The following PPP2R5E variants were observed in gnomAD, a reference collection of about 807,000 sequenced individuals.
PPP2R5E encodes serine/threonine-protein phosphatase 2A 56 kDa regulatory subunit epsilon isoform.
In PPP2R5E, 4 loss-of-function variants were observed where a neutral mutation model predicts 65.3. That is an observed-to-expected ratio of 0.06 (90% CI 0.03 to 0.14). PPP2R5E has a LOEUF of 0.14. Ranked by LOEUF, PPP2R5E falls within the 10% of genes least tolerant of loss-of-function variation. The pLI, the probability that PPP2R5E is intolerant of heterozygous loss-of-function variation, is 1.00. For synonymous variants in PPP2R5E, 183 were observed against 187.4 expected (o/e 0.98, Z 0.19); for missense variants, 274 against 556.1 (o/e 0.49, Z 5.10).
At chr14:63,435,228 A>G (rs1012696973) in intron 3 of PPP2R5E, among the ~76,000 whole-genome samples, 1 of 152,144 alleles carries the variant, frequency 6.6e-6, no homozygotes, top group African/African-American at 2.4e-5. Flanking sequence ...AAATTTTATT[A>G]CAAGTTAAGT....
chr14:63,393,537 C>A lies in PPP2R5E; in HGVS notation c.849+283G>T, dbSNP rs528477337. On this transcript the variant is annotated intron_variant, in intron 8 of 13. Coordinates refer to ENST00000337537, the MANE Select transcript of PPP2R5E (RefSeq NM_006246.5). ...GACCATCTTGGCCAACATGGTAAAA[C>A]CCCGTCTCTACTAAAAATACAAAAA... 3.8e-4 allele frequency among the ~76,000 whole-genome samples: 58 copies of A among 152,166 alleles called. No homozygotes were observed. The South Asian group carries it at 8.1e-3, about 21-fold the overall frequency.
At chr14:63,521,997 G>C (rs867283470) in intron 2 of PPP2R5E, among the ~76,000 whole-genome samples, 1 of 121,938 alleles carries the variant, frequency 8.2e-6, no homozygotes, top group Non-Finnish European at 1.6e-5. Flanking sequence ...ATACCGAGCC[G>C]AAGCTGGACT....
At position 63,539,668 on chromosome 14, in the gene PPP2R5E, A is replaced by C. The variant is rs568700774; in HGVS notation, c.18T>G (p.Thr6=). Reference sequence around the variant, plus strand: ...CTACTTTATCCACTGATGGAGGAGTAGTTGGTGCTGAGGACATATCCCTAC... The same window carrying C: ...CTACTTTATCCACTGATGGAGGAGTCGTTGGTGCTGAGGACATATCCCTAC... MSSAP[T]TPPSVDKVDG... The change falls in exon 2 of 14, where the codon ACT becomes ACG. Residue 6 remains threonine (T), a synonymous_variant. Transcript: ENST00000337537. 3 of 1,613,888 alleles carry C rather than the reference A, an allele frequency of 1.9e-6. No individual in the cohort carries two copies. The South Asian group carries it at 3.3e-5, about 18-fold the overall frequency.
chr14:63,402,640 A>G (rs1368251693), intron 5 of PPP2R5E, among the ~76,000 whole-genome samples: 1 of 152,210 alleles, frequency 6.6e-6, no homozygotes, highest in African/African-American at 2.4e-5. Flanking sequence ...GAAGTTCAAC[A>G]TATAATAAAT....
intron 13 of PPP2R5E, among the ~76,000 whole-genome samples, chr14:63,376,839 C>T: frequency 6.6e-6 from 1 of 152,168 alleles, no homozygotes; most frequent in East Asian, 1.9e-4. Context: ...ACTACACTGT[C>T]TCTGGTTTTT....
At chr14:63,527,588 G>T (rs1893229900) in intron 2 of PPP2R5E, among the ~76,000 whole-genome samples, 1 of 152,136 alleles carries the variant, frequency 6.6e-6, no homozygotes, top group Non-Finnish European at 1.5e-5. Flanking sequence ...CTGACTCTAT[G>T]ATATGGCTTC....
At chr14:63,489,776 T>G (rs1238044082) in intron 2 of PPP2R5E, among the ~76,000 whole-genome samples, 1 of 148,998 alleles carries the variant, frequency 6.7e-6, no homozygotes, top group African/African-American at 2.5e-5. Context: ...AACGTTTCTA[T>G]CATGGTATGT....
chr14:63,403,328 C>CA (rs756249501), intron 5 of PPP2R5E, among the ~76,000 whole-genome samples: 12 of 139,082 alleles, frequency 8.6e-5, no homozygotes, highest in Non-Finnish European at 1.3e-4. Flanking sequence ...CTGGAAGTTG[C>CA]AGTGAGCCAA....
intron 2 of PPP2R5E, among the ~76,000 whole-genome samples, chr14:63,510,501 CA>C (rs1308045560): frequency 1.3e-5 from 2 of 152,176 alleles, no homozygotes; most frequent in African/African-American, 4.8e-5. Context: ...GACTGGTAAG[CA>C]AGAATGTTAT....
intron 2 of PPP2R5E, among the ~76,000 whole-genome samples, chr14:63,486,811 AG>A (rs1430851084): frequency 2.0e-5 from 3 of 152,080 alleles, no homozygotes; most frequent in Non-Finnish European, 2.9e-5. Context: ...CCACCCTTAG[AG>A]GGTTCTCTCA....
chr14:63,428,473 C>T (rs777035359), intron 3 of PPP2R5E, among the ~76,000 whole-genome samples: 1 of 152,058 alleles, frequency 6.6e-6, no homozygotes, highest in Non-Finnish European at 1.5e-5. Context: ...TAATTAGATG[C>T]CTTGTATTTT....
At chr14:63,493,883 C>T (rs920727248) in intron 2 of PPP2R5E, among the ~76,000 whole-genome samples, 1 of 152,102 alleles carries the variant, frequency 6.6e-6, no homozygotes, top group African/African-American at 2.4e-5. Context: ...GATGTTCCAA[C>T]TCCTAAAGTC....
intron 2 of PPP2R5E, among the ~76,000 whole-genome samples, chr14:63,495,898 C>T (rs1215974081): frequency 1.3e-5 from 2 of 151,942 alleles, no homozygotes; most frequent in East Asian, 1.9e-4. Flanking sequence ...CCTATGTTGC[C>T]CGAGCTGGTC....
intron 2 of PPP2R5E, among the ~76,000 whole-genome samples, chr14:63,510,360 T>G (rs918759948): frequency 6.6e-6 from 1 of 152,222 alleles, no homozygotes; most frequent in East Asian, 1.9e-4. Context: ...TTCTAGGCAC[T>G]GGGGATAAAC....
chr14:63,425,384 T>A (rs973344316), intron 3 of PPP2R5E, among the ~76,000 whole-genome samples: 2 of 152,256 alleles, frequency 1.3e-5, no homozygotes, highest in African/African-American at 4.8e-5. Context: ...CAACTTTGAA[T>A]CTTCATTAAA....
chr14:63,424,958 G>A (rs1295448132), intron 3 of PPP2R5E, among the ~76,000 whole-genome samples: 1 of 152,152 alleles, frequency 6.6e-6, no homozygotes, highest in Non-Finnish European at 1.5e-5. Flanking sequence ...GCATAGAGCC[G>A]TATCTATTGG....
At chr14:63,444,342 T>C (rs1393724292) in intron 3 of PPP2R5E, among the ~76,000 whole-genome samples, 1 of 152,226 alleles carries the variant, frequency 6.6e-6, no homozygotes, top group African/African-American at 2.4e-5. Flanking sequence ...CCCTTCTATC[T>C]ACCTTCACGT....
In PPP2R5E at chr14:63,484,345, T is replaced by A. The variant is rs865805884; in HGVS notation, c.158-30460A>T. Among the ~76,000 whole-genome samples, 151 of 124,336 alleles carry A rather than the reference T, an allele frequency of 1.2e-3. 1 individual carries two copies. Among genetic ancestry groups the A allele is most frequent in the African/African-American group, 4.8e-3 (146 of 30,360 alleles). 81.6% of individuals were successfully genotyped at this position (124,336 alleles called of 152,430 possible). Reference sequence around the variant, plus strand: ...CTCTTTCTTTCTCTTTCTCTCTCTCTCTCACACACACACACACACACACAC... The same window carrying A: ...CTCTTTCTTTCTCTTTCTCTCTCTCACTCACACACACACACACACACACAC... On this transcript the variant is annotated intron_variant, in intron 2 of 13. Transcript: ENST00000337537.
Position 63,395,084 on chromosome 14 carries a change from G to C in PPP2R5E, c.740+142C>G. On this transcript the variant is annotated intron_variant, in intron 7 of 13. Coordinates refer to ENST00000337537, the MANE Select transcript of PPP2R5E (RefSeq NM_006246.5). ...AAATTGTGTCTTGTAGAGTCAGCTGGAAAATATGCTAATAGGCACAAATGA... is the reference window on the plus strand; with the variant it reads ...AAATTGTGTCTTGTAGAGTCAGCTGCAAAATATGCTAATAGGCACAAATGA... 4.6e-6 allele frequency: 3 copies of C among 649,482 alleles called. No homozygotes were observed. The South Asian group carries it at 6.2e-5, about 13-fold the overall frequency. 40.2% of individuals were successfully genotyped at this position (649,482 alleles called of 1,614,324 possible).
Sources: gnomAD v4.1 joint callset for allele counts (sites outside exome capture counted in the v4.1 genomes callset) on GRCh38, gnomAD v4.1.1 for gene constraint, MANE v1.5 for transcripts, NCBI Gene and HGNC (gene_info 2026-07-23, HGNC 2026-07-21) for gene names.